GSE1: variants seen among roughly 807,000 people sequenced by gnomAD.
GSE1 encodes genetic suppressor element 1.
In GSE1, 32 loss-of-function variants were observed where a neutral mutation model predicts 112.6. The ratio of observed to expected loss-of-function variants is 0.28; its 90% CI spans 0.21 to 0.38. The LOEUF is 0.38. Among genes scored for constraint, GSE1 ranks in the 10% least tolerant of loss-of-function variants. GSE1 has a pLI of 1.00. For missense variants in GSE1, 2,348 were observed against 1,699.2 expected (o/e 1.38, Z -6.71); for synonymous variants, 1,115 against 735.6 (o/e 1.52, Z -8.35).
At chr16:85,369,838 A>G (rs1318664510) in intron 2 of GSE1, among the ~76,000 whole-genome samples, 1 of 152,206 alleles carries the variant, frequency 6.6e-6, no homozygotes, top group Non-Finnish European at 1.5e-5. Flanking sequence ...TGTGCCAGGC[A>G]CTGTTGTAGG....
chr16:85,665,187 C>G (rs1306809540), intron 12 of GSE1, 59 bp downstream of exon 12: 5 of 1,000,790 alleles, frequency 5.0e-6, no homozygotes, highest in African/African-American at 3.2e-5. Context: ...GCTGCCCAGG[C>G]TCAGAGGCGA....
intron 1 of GSE1, among the ~76,000 whole-genome samples, chr16:85,342,055 G>C (rs1245322558): frequency 1.3e-5 from 2 of 152,046 alleles, no homozygotes; most frequent in African/African-American, 4.8e-5. Flanking sequence ...AGGTGGGATT[G>C]TGTCTGCAGG....
At chr16:85,326,459 T>C (rs1203326019) in intron 1 of GSE1, among the ~76,000 whole-genome samples, 1 of 152,228 alleles carries the variant, frequency 6.6e-6, no homozygotes, top group Non-Finnish European at 1.5e-5. Context: ...CCACAGGTCC[T>C]GGGAAGGACC....
chr16:85,204,958 A>G (rs1021684130), intron 1 of GSE1, among the ~76,000 whole-genome samples: 1 of 152,212 alleles, frequency 6.6e-6, no homozygotes, highest in Non-Finnish European at 1.5e-5. Context: ...AGGACACTCC[A>G]AAAGGGAATC....
chr16:85,344,800 C>T (rs1311198932), intron 1 of GSE1, among the ~76,000 whole-genome samples: 1 of 152,222 alleles, frequency 6.6e-6, no homozygotes, highest in Non-Finnish European at 1.5e-5. Context: ...GATGCAGCTT[C>T]CCAGGCTGGA....
In GSE1 at chr16:85,525,441, C is replaced by T. The variant is rs374401484; in HGVS notation, c.2465-108473C>T. Among the ~76,000 whole-genome samples the T allele has an allele frequency of 1.4e-4, 21 of 152,314 alleles. No homozygotes were observed. The East Asian group carries it at 3.3e-3, about 24-fold the overall frequency. On this transcript the variant is annotated intron_variant, in intron 2 of 2. Coordinates refer to the GSE1 transcript ENST00000637419. ...GGAAATCCAGGATGCTGAGAAGGAG[C>T]GAGGTGGCCAGGCTGGCCCTAGGCT...
intron 1 of GSE1, among the ~76,000 whole-genome samples, chr16:85,219,633 G>A (rs1055633755): frequency 2.0e-5 from 3 of 152,184 alleles, no homozygotes; most frequent in Admixed American, 6.5e-5. Flanking sequence ...TCCGAATGTC[G>A]CCTGTGGCAC....
chr16:85,271,262 G>A (rs1042430029), intron 1 of GSE1, among the ~76,000 whole-genome samples: 1 of 152,070 alleles, frequency 6.6e-6, no homozygotes, highest in Non-Finnish European at 1.5e-5. Flanking sequence ...TGCCCACCAG[G>A]GTGACTGGCT....
intron 1 of GSE1, among the ~76,000 whole-genome samples, chr16:85,276,045 C>T (rs1376390171): frequency 6.6e-6 from 1 of 152,250 alleles, no homozygotes; most frequent in Non-Finnish European, 1.5e-5. Flanking sequence ...TGTGCTAGCA[C>T]AGTGCCACAG....
intron 1 of GSE1, among the ~76,000 whole-genome samples, chr16:85,235,572 TGGGTG>T (rs1469384239): frequency 9.5e-5 from 2 of 21,136 alleles, no homozygotes; most frequent in Admixed American, 9.7e-4. Context: ...TGTGTGTGTG[TGGGTG>T]GGGGGGGGGC....
intron 2 of GSE1, among the ~76,000 whole-genome samples, chr16:85,397,778 A>T (rs1164085705): frequency 6.6e-6 from 1 of 152,168 alleles, no homozygotes; most frequent in Non-Finnish European, 1.5e-5. Context: ...ATGTGGAGGA[A>T]GGCGCACATC....
chr16:85,630,865 T>C (rs2049483332), intron 1 of GSE1, among the ~76,000 whole-genome samples: 1 of 152,096 alleles, frequency 6.6e-6, no homozygotes, highest in Non-Finnish European at 1.5e-5. Context: ...CTCTTGGGCT[T>C]GGGCGATGGC....
chr16:85,461,790 G>T (rs2049975706), intron 2 of GSE1, among the ~76,000 whole-genome samples: 1 of 152,092 alleles, frequency 6.6e-6, no homozygotes, highest in African/African-American at 2.4e-5. Context: ...ATCTCCTGCA[G>T]CTCCCCTATT....
chr16:85,367,706 T>C (rs112056103), intron 2 of GSE1, among the ~76,000 whole-genome samples: 11 of 152,314 alleles, frequency 7.2e-5, no homozygotes, highest in Admixed American at 2.6e-4. Context: ...CTCCCTGTCC[T>C]CGTGATCTCT....
chr16:85,662,643 T>C, intron 9 of GSE1: 1 of 269,710 alleles, frequency 3.7e-6, no homozygotes, highest in Non-Finnish European at 7.0e-6. Context: ...GGGGAGTGCA[T>C]GTGCACAAGC....
At chr16:85,596,698 G>A (rs891455315) in intron 1 of GSE1, among the ~76,000 whole-genome samples, 2 of 152,170 alleles carry the variant, frequency 1.3e-5, no homozygotes, top group Non-Finnish European at 2.9e-5. Flanking sequence ...TAGAGGCCAT[G>A]TGTGCCAGTA....
At chr16:85,292,142 C>CTT (rs34933476) in intron 1 of GSE1, among the ~76,000 whole-genome samples, 2,558 of 137,808 alleles carry the variant, frequency 0.019, 67 homozygotes, top group African/African-American at 0.063. Context: ...AAGAATGAAC[C>CTT]TTTTTTTTTT....
chr16:85,254,519 A>G (rs1211148808), intron 1 of GSE1, among the ~76,000 whole-genome samples: 3 of 152,160 alleles, frequency 2.0e-5, no homozygotes, highest in South Asian at 2.1e-4. Context: ...AGGTCTGGCA[A>G]TGAGCGTCAT....
chr16:85,244,475 G>T (rs1905424817), intron 1 of GSE1, among the ~76,000 whole-genome samples: 1 of 152,176 alleles, frequency 6.6e-6, no homozygotes, highest in African/African-American at 2.4e-5. Context: ...ATTAATTTGT[G>T]TTTTAATAAG....
Sources: allele counts gnomAD v4.1 joint callset (sites outside exome capture counted in the v4.1 genomes callset), GRCh38; gene constraint gnomAD v4.1.1; transcripts MANE v1.5; gene names NCBI Gene and HGNC (gene_info 2026-07-23, HGNC 2026-07-21).